CSMD3: variants seen among roughly 807,000 people sequenced by gnomAD.
CSMD3 encodes CUB and Sushi multiple domains 3.
A neutral mutation model predicts 435.2 loss-of-function variants in CSMD3; 177 were observed. The observed-to-expected ratio is 0.41, with a 90% CI of 0.36 to 0.46. CSMD3 has a LOEUF of 0.46. Among genes scored for constraint, CSMD3 ranks in the 20% least tolerant of loss-of-function variants. The pLI, the probability that CSMD3 is intolerant of heterozygous loss-of-function variation, is 0.34. For synonymous variants in CSMD3, 1,656 were observed against 1,520.5 expected, an observed-to-expected ratio of 1.09 and a Z score of -2.07; for missense variants, 4,265 against 4,504.6, an observed-to-expected ratio of 0.95 and a Z score of 1.52.
intron 16 of CSMD3, 116 bp from the exon 17 acceptor site, chr8:112,666,531 T>TAAGG: frequency 1.2e-6 from 1 of 869,000 alleles, no homozygotes; most frequent in Non-Finnish European, 1.9e-6. Flanking sequence ...AAATAGTTAA[T>TAAGG]ACTATTTTTG....
intron 9 of CSMD3, among the ~76,000 whole-genome samples, chr8:112,946,612 T>G (rs2083617134): frequency 6.6e-6 from 1 of 151,766 alleles, no homozygotes. Context: ...GCTTATCACT[T>G]TGTGGTCTGT....
intron 3 of CSMD3, among the ~76,000 whole-genome samples, chr8:113,228,833 T>C (rs1369597630): frequency 6.6e-6 from 1 of 151,634 alleles, no homozygotes; most frequent in Non-Finnish European, 1.5e-5. Context: ...AATTACTTGA[T>C]ACTTGCTCTA....
intron 24 of CSMD3, among the ~76,000 whole-genome samples, chr8:112,572,746 C>T (rs1274155120): frequency 2.6e-5 from 4 of 152,046 alleles, no homozygotes; most frequent in Admixed American, 6.6e-5. Context: ...TAGGAAGTAA[C>T]ACCTGTTTTA....
At chr8:112,525,755 TATATATA>T in intron 27 of CSMD3, among the ~76,000 whole-genome samples, 1 of 141,194 alleles carries the variant, frequency 7.1e-6, no homozygotes, top group East Asian at 2.0e-4. Context: ...TATATACATA[TATATATA>T]TATATATATT....
At chr8:112,474,238 G>A (rs1319728846) in intron 31 of CSMD3, among the ~76,000 whole-genome samples, 1 of 152,090 alleles carries the variant, frequency 6.6e-6, no homozygotes, top group Non-Finnish European at 1.5e-5. Flanking sequence ...TATGTGGCCA[G>A]CAAAGCCCAA....
intron 32 of CSMD3, among the ~76,000 whole-genome samples, chr8:112,463,103 A>C (rs967668817): frequency 6.6e-6 from 1 of 152,200 alleles, no homozygotes; most frequent in African/African-American, 2.4e-5. Context: ...CCCACCTGTA[A>C]TCCCAGCATT....
chr8:112,600,443 G>T (rs1045179570), intron 22 of CSMD3, among the ~76,000 whole-genome samples: 1 of 152,032 alleles, frequency 6.6e-6, no homozygotes, highest in Non-Finnish European at 1.5e-5. Flanking sequence ...CTCATTTAAC[G>T]CAACCGATAA....
chr8:112,904,491 G>C (rs1169502527), intron 10 of CSMD3, among the ~76,000 whole-genome samples: 1 of 151,434 alleles, frequency 6.6e-6, no homozygotes. Flanking sequence ...TGACTAAGGA[G>C]ATCTTGCCAA....
Position 112,636,850 on chromosome 8 carries a change from G to C in CSMD3, c.3682C>G (p.Arg1228Gly), listed in dbSNP as rs1191058205. 1.2e-6 allele frequency: 2 copies of C among 1,611,038 alleles called. No individual in the cohort carries two copies. The highest frequency in any genetic ancestry group is 1.7e-6 in the Non-Finnish European group (2 of 1,178,968). Reference sequence around the variant, plus strand: ...CTTGGCAGAGGTGCACTCCACACTCGTCGGCCACCACCAAGACAGATGATC... The same window carrying C: ...CTTGGCAGAGGTGCACTCCACACTCCTCGGCCACCACCAAGACAGATGATC... The part of the protein sequence containing the change: ...SEIICLGGGR[R>G]VWSAPLPRCV... Residue 1228 changes from arginine (R) to glycine (G), a missense_variant, in exon 22 of 71, where the codon CGA becomes GGA. Arg to Gly is a moderately radical substitution (Grantham distance 125). Coordinates refer to ENST00000297405, the MANE Select transcript of CSMD3 (RefSeq NM_198123.2).
At chr8:112,822,744 G>T (rs1281288226) in intron 12 of CSMD3, among the ~76,000 whole-genome samples, 3 of 152,112 alleles carry the variant, frequency 2.0e-5, no homozygotes, top group Non-Finnish European at 2.9e-5. Context: ...TCCAGCTTTT[G>T]CCCATTCAGT....
At chr8:113,092,732 C>G (rs1213009692) in intron 5 of CSMD3, among the ~76,000 whole-genome samples, 1 of 151,936 alleles carries the variant, frequency 6.6e-6, no homozygotes, top group Non-Finnish European at 1.5e-5. Flanking sequence ...AAGTAACCTA[C>G]AAGTAGAACA....
chr8:112,646,394 G>A (rs2074981159), intron 19 of CSMD3, among the ~76,000 whole-genome samples: 1 of 151,570 alleles, frequency 6.6e-6, no homozygotes, highest in African/African-American at 2.4e-5. Context: ...TTGTGTGTGT[G>A]TATATCTGCG....
At chr8:112,775,061 T>C (rs767958013) in intron 13 of CSMD3, among the ~76,000 whole-genome samples, 24 of 151,998 alleles carry the variant, frequency 1.6e-4, no homozygotes, top group Non-Finnish European at 3.2e-4. Context: ...CCACCACTTA[T>C]ATGCCCCCAC....
chr8:113,068,153 T>A (rs2088944744), intron 5 of CSMD3, among the ~76,000 whole-genome samples: 1 of 152,132 alleles, frequency 6.6e-6, no homozygotes, highest in African/African-American at 2.4e-5. Flanking sequence ...AGTTAATAAT[T>A]TCATGTGCAT....
intron 3 of CSMD3, among the ~76,000 whole-genome samples, chr8:113,271,546 C>A (rs1269275533): frequency 6.6e-6 from 1 of 152,150 alleles, no homozygotes. Context: ...TGCGGGTGAA[C>A]AGAAGCCAAG....
At chr8:112,586,536 G>A (rs978244257) in intron 23 of CSMD3, among the ~76,000 whole-genome samples, 2 of 151,100 alleles carry the variant, frequency 1.3e-5, no homozygotes, top group African/African-American at 4.8e-5. Context: ...TATCAACAAA[G>A]TATATTTTTT....
intron 1 of CSMD3, among the ~76,000 whole-genome samples, chr8:113,424,967 G>A (rs913195233): frequency 1.3e-5 from 2 of 151,404 alleles, no homozygotes; most frequent in African/African-American, 2.4e-5. Flanking sequence ...GATTATTTTG[G>A]TATTATATAC....
intron 4 of CSMD3, among the ~76,000 whole-genome samples, chr8:113,153,990 T>A (rs1564371768): frequency 6.6e-6 from 1 of 152,042 alleles, no homozygotes; most frequent in Non-Finnish European, 1.5e-5. Flanking sequence ...GATATCAATT[T>A]CAAAATAAGA....
chr8:112,526,997 C>T (rs574451304), intron 27 of CSMD3, among the ~76,000 whole-genome samples: 2 of 151,038 alleles, frequency 1.3e-5, no homozygotes, highest in Non-Finnish European at 3.0e-5. Context: ...AGAGGTATAG[C>T]TAATAAGCTA....
Sources: gnomAD v4.1 joint callset for allele counts (sites outside exome capture counted in the v4.1 genomes callset) on GRCh38, gnomAD v4.1.1 for gene constraint, MANE v1.5 for transcripts, NCBI Gene and HGNC (gene_info 2026-07-23, HGNC 2026-07-21) for gene names.